Variants in CTNND1 observed in about 807,000 individuals in gnomAD.
CTNND1 encodes catenin delta 1.
A neutral mutation model predicts 112.1 loss-of-function variants in CTNND1; 16 were observed. That is an observed-to-expected ratio of 0.14 (90% CI 0.10 to 0.22). The LOEUF (loss-of-function observed/expected upper bound fraction) is 0.22, where lower values mean the gene tolerates loss of function less well. Among genes scored for constraint, CTNND1 ranks in the 10% least tolerant of loss-of-function variants. CTNND1 has a pLI of 1.00. For missense variants in CTNND1, 1,008 were observed against 1,257.0 expected (o/e 0.80, Z 3.00); for synonymous variants, 420 against 446.5 (o/e 0.94, Z 0.75).
intron 2 of CTNND1, 39 bp downstream of exon 2, chr11:57,789,194 T>G: frequency 7.6e-7 from 1 of 1,324,160 alleles, no homozygotes; most frequent in Non-Finnish European, 1.0e-6. Context: ...GGAAAAATCT[T>G]ACTTTTTAAG....
intron 8 of CTNND1, chr11:57,804,064 A>G (rs899755886): frequency 3.2e-6 from 1 of 309,732 alleles, no homozygotes; most frequent in African/African-American, 2.2e-5. Flanking sequence ...CTACTTTGGT[A>G]AGCTTTTGTT....
chr11:57,786,190 A>ATTT (rs10715396), intron 1 of CTNND1, among the ~76,000 whole-genome samples: 3 of 132,612 alleles, frequency 2.3e-5, no homozygotes, highest in African/African-American at 5.5e-5. Flanking sequence ...GAATTCTTTG[A>ATTT]TTTTTTTTTT....
At chr11:57,770,285 G>A (rs1952232042) in intron 1 of CTNND1, among the ~76,000 whole-genome samples, 2 of 151,576 alleles carry the variant, frequency 1.3e-5, no homozygotes, top group South Asian at 2.1e-4. Context: ...AGTGGAGATC[G>A]CACCACTGCA....
At chr11:57,805,731 C>T (rs1591609958) in intron 9 of CTNND1, 151 bp from the exon 10 acceptor site, 1 of 822,830 alleles carries the variant, frequency 1.2e-6, no homozygotes, top group Non-Finnish European at 1.8e-6. Context: ...TTTCAAGAAG[C>T]CTGGAGCACT....
At chr11:57,764,210 G>A (rs749553107) in intron 1 of CTNND1, 1 of 152,016 alleles carries the variant, frequency 6.6e-6, no homozygotes, top group Admixed American at 6.6e-5. Context: ...TGTGAGTAAG[G>A]TAGTGGTCTG....
At chr11:57,815,751 A>G (rs2063899082) in intron 19 of CTNND1, 164 bp from the exon 20 acceptor site, 4 of 767,408 alleles carry the variant, frequency 5.2e-6, no homozygotes, top group South Asian at 2.9e-5. Context: ...ACTTTCAAAC[A>G]TTACCTTTTT....
intron 15 of CTNND1, among the ~76,000 whole-genome samples, chr11:57,809,739 CAG>C: frequency 6.6e-6 from 1 of 152,230 alleles, no homozygotes; most frequent in Admixed American, 6.5e-5. Context: ...TTGTTTGAGG[CAG>C]AGTCTCGCTC....
At chr11:57,792,672 A>C (rs1486508997) in intron 3 of CTNND1, among the ~76,000 whole-genome samples, 1 of 152,142 alleles carries the variant, frequency 6.6e-6, no homozygotes, top group Non-Finnish European at 1.5e-5. Context: ...CTGGGACTAC[A>C]GGCGTGTGCC....
chr11:57,804,632 A>T, intron 8 of CTNND1, 31 bp from the exon 9 acceptor site: 1 of 1,545,268 alleles, frequency 6.5e-7, no homozygotes, highest in Non-Finnish European at 8.9e-7. Context: ...TCTGGATTTG[A>T]GTCATCTTGA....
intron 1 of CTNND1, among the ~76,000 whole-genome samples, chr11:57,770,781 C>T (rs1389355332): frequency 1.3e-5 from 2 of 152,196 alleles, no homozygotes; most frequent in African/African-American, 4.8e-5. Context: ...AGGTCAACTT[C>T]TCAATACCTT....
chr11:57,813,475 A>G (rs1027515689), intron 17 of CTNND1, among the ~76,000 whole-genome samples: 2 of 152,268 alleles, frequency 1.3e-5, no homozygotes, highest in African/African-American at 4.8e-5. Context: ...TGACAAATAC[A>G]TATGTCAAAA....
chr11:57,807,145 A>G (rs779124234), intron 12 of CTNND1, among the ~76,000 whole-genome samples, 162 bp downstream of exon 12: 2 of 152,242 alleles, frequency 1.3e-5, no homozygotes, highest in African/African-American at 4.8e-5. Context: ...GCATAGTATT[A>G]TAGCAGTAAC....
chr11:57,789,767 G>T (rs1394222118), intron 2 of CTNND1, among the ~76,000 whole-genome samples: 1 of 152,174 alleles, frequency 6.6e-6, no homozygotes, highest in Non-Finnish European at 1.5e-5. Context: ...TGCGTCCCGC[G>T]GGCCAAGGGT....
rs539157735 is a variant in CTNND1 at position 57,795,440 on chromosome 11, A to G, written c.268-137A>G. 3.5e-5 allele frequency: 29 copies of G among 833,724 alleles called. No homozygotes were observed. The African/African-American group carries it at 4.9e-4, about 14-fold the overall frequency. The allele number at this position is 833,724 out of a possible 1,614,324, so 51.6% of individuals were successfully genotyped here. On this transcript the variant is annotated intron_variant, in intron 4 of 20. Transcript: ENST00000399050. The stretch of plus-strand genomic sequence containing the variant: ...CAAGTTCAAAAGATGACAGCCACCC[A>G]TCTAAAAATCCTGAGGCCTATAGAA...
chr11:57,771,623 T>C (rs1565279726), intron 1 of CTNND1, among the ~76,000 whole-genome samples: 1 of 152,150 alleles, frequency 6.6e-6, no homozygotes, highest in African/African-American at 2.4e-5. Flanking sequence ...GGAATGTATT[T>C]TGGGGGAAGG....
chr11:57,772,591 A>G (rs1434452572), intron 1 of CTNND1, among the ~76,000 whole-genome samples: 1 of 152,230 alleles, frequency 6.6e-6, no homozygotes, highest in Non-Finnish European at 1.5e-5. Context: ...AGAGGTTATT[A>G]AAGCACATCC....
At chr11:57,783,951 G>A (rs1057342112) in intron 1 of CTNND1, among the ~76,000 whole-genome samples, 1 of 151,836 alleles carries the variant, frequency 6.6e-6, no homozygotes, top group African/African-American at 2.4e-5. Context: ...TTGAGACAGG[G>A]TCTTACTCTG....
intron 12 of CTNND1, 142 bp from the exon 13 acceptor site, chr11:57,808,023 G>A: frequency 5.1e-6 from 4 of 790,700 alleles, no homozygotes; most frequent in Non-Finnish European, 7.5e-6. Context: ...TTGCTGTAGA[G>A]AGTGTGAGAG....
chr11:57,798,144 C>G (rs1371465669), intron 6 of CTNND1, among the ~76,000 whole-genome samples: 1 of 151,856 alleles, frequency 6.6e-6, no homozygotes, highest in South Asian at 2.1e-4. Flanking sequence ...GTCAGGAGAT[C>G]GAGATCATCC....
Sources: allele counts gnomAD v4.1 joint callset (sites outside exome capture counted in the v4.1 genomes callset), GRCh38; gene constraint gnomAD v4.1.1; transcripts MANE v1.5; gene names NCBI Gene and HGNC (gene_info 2026-07-23, HGNC 2026-07-21).